The following PHF3 variants were observed in gnomAD, a reference collection of about 807,000 sequenced individuals.
PHF3 encodes the protein PHD finger protein 3.
PHF3 carries 41 observed loss-of-function variants against 178.4 expected under a neutral mutation model. The ratio of observed to expected loss-of-function variants is 0.23; its 90% CI spans 0.18 to 0.30. The LOEUF is 0.30. PHF3 is among the 10% of genes least tolerant of loss of function. The pLI, the probability that PHF3 is intolerant of heterozygous loss-of-function variation, is 1.00. For missense variants in PHF3, 2,346 were observed against 2,398.1 expected, an observed-to-expected ratio of 0.98 and a Z score of 0.45; for synonymous variants, 842 against 800.5, an observed-to-expected ratio of 1.05 and a Z score of -0.88.
chr6:63,696,583 G>C (rs958662664), intron 6 of PHF3, among the ~76,000 whole-genome samples: 7 of 152,146 alleles, frequency 4.6e-5, no homozygotes, highest in Admixed American at 3.9e-4. Flanking sequence ...GCCTCTCAAG[G>C]TGCTGGGATT....
intron 2 of PHF3, among the ~76,000 whole-genome samples, chr6:63,648,364 T>A (rs951828714): frequency 3.1e-4 from 47 of 152,204 alleles, no homozygotes; most frequent in African/African-American, 1.0e-3. Flanking sequence ...CCTAGTTTAG[T>A]CCAAATTCAG....
chr6:63,721,361 A>C lies in PHF3; in HGVS notation c.*7653A>C. 6.4e-7 allele frequency: 1 copy of C among 1,551,908 alleles called. No individual in the cohort carries two copies. The highest frequency in any genetic ancestry group is 8.7e-7 in the Non-Finnish European group (1 of 1,146,980). On this transcript the variant is annotated 3_prime_UTR_variant, in exon 16 of 16. Transcript: ENST00000262043. ...AAGAAAAAGTTGTGCCATTTACTGT[A>C]CATTCACCTCCATTTCTGCATGTGT...
intron 2 of PHF3, among the ~76,000 whole-genome samples, chr6:63,679,186 A>G (rs1243191642): frequency 6.6e-6 from 1 of 151,850 alleles, no homozygotes; most frequent in African/African-American, 2.4e-5. Flanking sequence ...AAGATTTCAT[A>G]CAACTGCACA....
rs1274947275 is a variant in PHF3 at position 63,718,217 on chromosome 6, A to C, written c.*4509A>C. Among the ~76,000 whole-genome samples, 1 of 152,052 alleles carries C rather than the reference A, an allele frequency of 6.6e-6. No homozygotes were observed. Among genetic ancestry groups the C allele is most frequent in the Non-Finnish European group, 1.5e-5 (1 of 67,952 alleles). ...CACAATTTTCTGCGTTTGGAATTCA[A>C]TGATGAGCAAAATGGGAAAGTTCCA... On this transcript the variant is annotated 3_prime_UTR_variant, in exon 16 of 16. Transcript: ENST00000262043.
Position 63,694,740 on chromosome 6 carries a change from A to G in PHF3, c.2656A>G (p.Thr886Ala). The change falls in exon 6 of 16, where the codon ACA (threonine) becomes GCA (alanine). Residue 886 changes from threonine (T) to alanine (A), a missense_variant. By Grantham distance (58) the Thr-to-Ala change is moderately conservative. This residue lies in a region of PHF3 where 252 missense variants were observed against 232.0 expected (regional missense o/e 1.09). Transcript: ENST00000262043. ...GAAAGAGTCTACAACTGTTACTTGC[A>G]CAGGAGAAAAAGCTTCAAAACCAGG... ...IPKESTTVTC[T>A]GEKASKPGTH... is the part of the protein sequence containing the mutation. 2 of 1,531,784 alleles carry G rather than the reference A, an allele frequency of 1.3e-6. No homozygotes were observed. The highest frequency in any genetic ancestry group is 1.8e-6 in the Non-Finnish European group (2 of 1,140,688). 94.9% of individuals were successfully genotyped at this position (1,531,784 alleles called of 1,614,324 possible).
At chr6:63,644,911 G>A (rs190066021) in intron 1 of PHF3, among the ~76,000 whole-genome samples, 1 of 150,614 alleles carries the variant, frequency 6.6e-6, no homozygotes, top group Admixed American at 6.6e-5. Flanking sequence ...TTTGGGCACA[G>A]GTTCTGGCTC....
At chr6:63,682,460 C>G (rs1428483287) in intron 3 of PHF3, among the ~76,000 whole-genome samples, 1 of 152,122 alleles carries the variant, frequency 6.6e-6, no homozygotes, top group Non-Finnish European at 1.5e-5. Context: ...TTTTTCCTCT[C>G]TCGTTCTTCC....
chr6:63,709,917 T>C (rs1189199020), intron 14 of PHF3, among the ~76,000 whole-genome samples: 1 of 152,206 alleles, frequency 6.6e-6, no homozygotes, highest in East Asian at 1.9e-4. Context: ...CTCTACATTT[T>C]CTTTTCTTTT....
chr6:63,691,911 A>G lies in PHF3; in HGVS notation c.2364A>G (p.Gln788=). The G allele has an allele frequency of 1.2e-6, 2 of 1,613,922 alleles. No homozygotes were observed. Among genetic ancestry groups the G allele is most frequent in the Non-Finnish European group, 1.7e-6 (2 of 1,179,918 alleles). ...EILDPDTLEN[Q]ATVEFHSGDK... ...TAGATCCAGATACTTTGGAAAACCAAGCTACAGTTGAATTCCATAGTGGAG... is the reference window on the plus strand; with the variant it reads ...TAGATCCAGATACTTTGGAAAACCAGGCTACAGTTGAATTCCATAGTGGAG... Residue 788 remains glutamine (Q), a synonymous_variant, in exon 5 of 16, where the codon CAA becomes CAG. Transcript: ENST00000262043.
chr6:63,709,306 C>T, intron 14 of PHF3, 66 bp downstream of exon 14: 9 of 1,080,794 alleles, frequency 8.3e-6, no homozygotes, highest in Non-Finnish European at 1.3e-5. Context: ...GTTTAGAATT[C>T]TTATGCAAGG....
chr6:63,720,645 A>G lies in PHF3; in HGVS notation c.*6937A>G. 1.3e-6 allele frequency: 2 copies of G among 1,529,312 alleles called. No individual in the cohort carries two copies. Among genetic ancestry groups the G allele is most frequent in the Non-Finnish European group, 1.8e-6 (2 of 1,136,718 alleles). The allele number at this position is 1,529,312 out of a possible 1,614,324, so 94.7% of individuals were successfully genotyped here. A position where few individuals can be genotyped will look rare whatever the true frequency, so the allele number is the denominator to read the frequency against. ...TCCATCATAAACATTGTATCCTTCT[A>G]ATTTAATTAGTTCAATGTTTTTTGG... On this transcript the variant is annotated 3_prime_UTR_variant, in exon 16 of 16. Coordinates refer to ENST00000262043, the MANE Select transcript of PHF3 (RefSeq NM_001370348.2).
At position 63,712,348 on chromosome 6, in the gene PHF3, A is replaced by T; in HGVS notation, c.4760A>T (p.Glu1587Val). Reference sequence around the variant, plus strand: ...CAGTCAAAACAAGAGGAAACTGTGGAGAGTAAAGAGAAAACATTAAAAAGA... The same window carrying T: ...CAGTCAAAACAAGAGGAAACTGTGGTGAGTAAAGAGAAAACATTAAAAAGA... ...SIQSKQEETVESKEKTLKRQL... is the reference protein window; with the variant it reads ...SIQSKQEETVVSKEKTLKRQL... The change falls in exon 16 of 16, where the codon GAG becomes GTG. Residue 1587 changes from glutamate (E) to valine (V), a missense_variant. Around this residue, in one of 8 missense-constraint regions of PHF3, gnomAD observed 839 missense variants for 806.9 expected, o/e 1.04. Transcript: ENST00000262043. The T allele has an allele frequency of 6.2e-7, 1 of 1,613,476 alleles. No individual in the cohort carries two copies. Among genetic ancestry groups the T allele is most frequent in the Non-Finnish European group, 8.5e-7 (1 of 1,179,866 alleles).
At chr6:63,668,101 A>G (rs148481845) in intron 2 of PHF3, among the ~76,000 whole-genome samples, 77 of 152,348 alleles carry the variant, frequency 5.1e-4, no homozygotes, top group African/African-American at 1.8e-3. Context: ...CAGTTGTAGC[A>G]AAATGATGGC....
At position 63,712,963 on chromosome 6, in the gene PHF3, G is replaced by A. The variant is rs34644326; in HGVS notation, c.5375G>A (p.Ser1792Asn). 2.3e-5 allele frequency: 37 copies of A among 1,613,816 alleles called. No homozygotes were observed. The highest frequency in any genetic ancestry group is 2.8e-5 in the Non-Finnish European group (33 of 1,179,976). ...FTSRSTSPRT[S>N]TNFSPMRPQQ... is the part of the protein sequence containing the mutation. ...TCCAGAAGCACCAGCCCCAGAACAAGTACAAACTTTTCACCCATGAGGCCA... is the reference window on the plus strand; with the variant it reads ...TCCAGAAGCACCAGCCCCAGAACAAATACAAACTTTTCACCCATGAGGCCA... Residue 1792 changes from serine (S) to asparagine (N), a missense_variant, in exon 16 of 16, where the codon AGT becomes AAT. Ser to Asn is a conservative substitution (Grantham distance 46, BLOSUM62 1). This residue lies in a region of PHF3 where 839 missense variants were observed against 806.9 expected (regional missense o/e 1.04). Coordinates refer to ENST00000262043, the MANE Select transcript of PHF3 (RefSeq NM_001370348.2).
rs752449683 is a variant in PHF3 at position 63,685,509 on chromosome 6, T to G, written c.1787T>G (p.Leu596Trp). ...ATTTTCAAGCCCTTAACTCATTCTT[T>G]GAGTGATAAGTCACACGCTCATCCT... ...VQIFKPLTHS[L>W]SDKSHAHPGC... Residue 596 changes from leucine to tryptophan, a missense_variant, in exon 4 of 16, where the codon TTG (leucine) becomes TGG (tryptophan). By Grantham distance (61) the Leu-to-Trp change is moderately conservative. Transcript: ENST00000262043. 3 of 1,614,042 alleles carry G rather than the reference T, an allele frequency of 1.9e-6. No individual in the cohort carries two copies. In the African/African-American group the frequency reaches 4.0e-5, roughly 22 times the overall value.
intron 6 of PHF3, among the ~76,000 whole-genome samples, chr6:63,695,665 G>A (rs1180252696): frequency 6.6e-6 from 1 of 152,136 alleles, no homozygotes; most frequent in East Asian, 1.9e-4. Context: ...GAGAGAAAGA[G>A]AGTAGCCTGA....
intron 1 of PHF3, among the ~76,000 whole-genome samples, chr6:63,640,096 T>TATG (rs765890223): frequency 1.6e-4 from 25 of 152,216 alleles, no homozygotes; most frequent in Non-Finnish European, 2.5e-4. Flanking sequence ...TTAGAAAAGT[T>TATG]ATGATCCTTG....
chr6:63,711,306 T>C lies in PHF3; in HGVS notation c.3941T>C (p.Ile1314Thr). The C allele has an allele frequency of 6.2e-7, 1 of 1,613,566 alleles. No individual in the cohort carries two copies. The change falls in exon 15 of 16, where the codon ATT (isoleucine) becomes ACT (threonine). Residue 1314 changes from isoleucine (I) to threonine (T), a missense_variant. Transcript: ENST00000262043. ...NMKQVKDMYL[I>T]PLGATDKIPH... ...AAGCAGGTTAAAGATATGTACCTTA[T>C]TCCTTTGGGTGCCACAGATAAAATT...
At chr6:63,646,116 T>C (rs1764774118) in intron 1 of PHF3, among the ~76,000 whole-genome samples, 1 of 152,316 alleles carries the variant, frequency 6.6e-6, no homozygotes, top group African/African-American at 2.4e-5. Flanking sequence ...ATTTTAGCTC[T>C]TTTATGTGGA....
Sources: allele counts gnomAD v4.1 joint callset (sites outside exome capture counted in the v4.1 genomes callset), GRCh38; gene constraint gnomAD v4.1.1; regional missense constraint gnomAD v4.1.1; transcripts MANE v1.5; gene names NCBI Gene and HGNC (gene_info 2026-07-23, HGNC 2026-07-21).